The following ADGRL2 variants were observed in gnomAD, a reference collection of about 807,000 sequenced individuals.
ADGRL2 encodes adhesion G protein-coupled receptor L2.
In ADGRL2, 44 loss-of-function variants were observed where a neutral mutation model predicts 157.4. That is an observed-to-expected ratio of 0.28 (90% CI 0.22 to 0.36). The LOEUF is 0.36. Among genes scored for constraint, ADGRL2 ranks in the 10% least tolerant of loss-of-function variants. ADGRL2 has a pLI of 1.00. For synonymous variants in ADGRL2, 585 were observed against 624.7 expected (o/e 0.94, Z 0.95); for missense variants, 1,510 against 1,768.9 (o/e 0.85, Z 2.63).
intron 2 of ADGRL2, among the ~76,000 whole-genome samples, chr1:81,904,135 A>T (rs2094542755): frequency 6.6e-6 from 1 of 152,152 alleles, no homozygotes; most frequent in South Asian, 2.1e-4. Context: ...CACATTTATA[A>T]GAATTATGTA....
intron 2 of ADGRL2, among the ~76,000 whole-genome samples, chr1:81,840,612 G>A (rs1386020662): frequency 1.3e-5 from 2 of 151,898 alleles, no homozygotes; most frequent in Non-Finnish European, 2.9e-5. Flanking sequence ...TCTCTATTTT[G>A]AATCAAGTCT....
intron 2 of ADGRL2, among the ~76,000 whole-genome samples, chr1:81,888,161 G>C (rs1433810395): frequency 6.6e-6 from 1 of 152,132 alleles, no homozygotes; most frequent in Admixed American, 6.5e-5. Context: ...AAGGTATGGA[G>C]ACAATAAGTT....
At chr1:81,736,142 C>CAAAAA (rs71085371) in intron 1 of ADGRL2, among the ~76,000 whole-genome samples, 1 of 92,590 alleles carries the variant, frequency 1.1e-5, no homozygotes, top group African/African-American at 3.8e-5. Flanking sequence ...GACCCCGTCT[C>CAAAAA]AAAAAAAAAA....
intron 3 of ADGRL2, among the ~76,000 whole-genome samples, chr1:81,642,921 G>T (rs909908714): frequency 9.9e-5 from 15 of 152,042 alleles, no homozygotes; most frequent in Non-Finnish European, 4.4e-5. Flanking sequence ...ATATAGATAG[G>T]AACTTCTTTA....
intron 1 of ADGRL2, among the ~76,000 whole-genome samples, chr1:81,330,317 C>T (rs896583415): frequency 3.3e-5 from 5 of 152,060 alleles, no homozygotes; most frequent in African/African-American, 1.2e-4. Context: ...CTGAATGAAA[C>T]ACATGTGATA....
At chr1:81,351,205 TG>T (rs1476826688) in intron 1 of ADGRL2, among the ~76,000 whole-genome samples, 1 of 151,968 alleles carries the variant, frequency 6.6e-6, no homozygotes, top group East Asian at 1.9e-4. Flanking sequence ...TCAGTCCAGA[TG>T]TTTTTTATTT....
At chr1:81,528,901 A>C (rs1271241492) in intron 2 of ADGRL2, among the ~76,000 whole-genome samples, 1 of 152,204 alleles carries the variant, frequency 6.6e-6, no homozygotes, top group East Asian at 1.9e-4. Flanking sequence ...AAAGGATACT[A>C]TAAGTGAGGA....
intron 4 of ADGRL2, among the ~76,000 whole-genome samples, chr1:81,941,773 C>G (rs17470483): frequency 0.084 from 12,809 of 151,740 alleles, 731 homozygotes; most frequent in Middle Eastern, 0.18. Context: ...CTAAGTGAAG[C>G]AACATGCCAA....
intron 3 of ADGRL2, among the ~76,000 whole-genome samples, chr1:81,665,221 G>A (rs1329520300): frequency 1.3e-5 from 2 of 152,080 alleles, no homozygotes; most frequent in Non-Finnish European, 2.9e-5. Context: ...TGTTTATGAA[G>A]ACCATTTGAG....
At chr1:81,881,897 G>C (rs2093997731) in intron 2 of ADGRL2, among the ~76,000 whole-genome samples, 1 of 152,130 alleles carries the variant, frequency 6.6e-6, no homozygotes, top group Non-Finnish European at 1.5e-5. Context: ...GTGAATACTA[G>C]ATTGATTTGT....
At chr1:81,734,916 C>T (rs1571004288) in intron 1 of ADGRL2, among the ~76,000 whole-genome samples, 1 of 143,674 alleles carries the variant, frequency 7.0e-6, no homozygotes, top group East Asian at 2.1e-4. Context: ...GCCTGTAATC[C>T]CAGCTACTCG....
At chr1:81,476,882 T>A (rs59405535) in intron 2 of ADGRL2, among the ~76,000 whole-genome samples, 5,303 of 152,246 alleles carry the variant, frequency 0.035, 299 homozygotes, top group African/African-American at 0.12. Context: ...AGAAATTTTA[T>A]CAACATCCAT....
At position 81,500,974 on chromosome 1, in the gene ADGRL2, A is replaced by C. The variant is rs138507421; in HGVS notation, c.-248+55885A>C. Among the ~76,000 whole-genome samples the C allele has an allele frequency of 9.7e-3, 1,474 of 152,330 alleles. 13 individuals are homozygous for C. The highest frequency in any genetic ancestry group is 0.016 in the Non-Finnish European group (1,090 of 68,024). Reference sequence around the variant, plus strand: ...ATATAAATGTAGAAACTTCAATTCGAGTCAGATCTCCAAATTGTGGGTCTC... The same window carrying C: ...ATATAAATGTAGAAACTTCAATTCGCGTCAGATCTCCAAATTGTGGGTCTC... On this transcript the variant is annotated intron_variant, in intron 2 of 24. Transcript: ENST00000370721.
chr1:81,431,018 T>C (rs2077310200), intron 1 of ADGRL2, among the ~76,000 whole-genome samples: 1 of 152,228 alleles, frequency 6.6e-6, no homozygotes, highest in Non-Finnish European at 1.5e-5. Context: ...GTAAAATTTA[T>C]CCCTGATTCT....
At chr1:81,806,792 A>G (rs573204862) in intron 1 of ADGRL2, among the ~76,000 whole-genome samples, 2 of 152,150 alleles carry the variant, frequency 1.3e-5, no homozygotes, top group Non-Finnish European at 2.9e-5. Flanking sequence ...ATTTAAGAAC[A>G]TAGATTAAGG....
At chr1:81,592,386 G>C (rs901464047) in intron 3 of ADGRL2, among the ~76,000 whole-genome samples, 6 of 152,200 alleles carry the variant, frequency 3.9e-5, no homozygotes, top group Admixed American at 2.6e-4. Flanking sequence ...AGTGAGTTGG[G>C]TTTGGCCTAC....
At chr1:81,505,790 A>G (rs938379129) in intron 2 of ADGRL2, among the ~76,000 whole-genome samples, 1 of 152,068 alleles carries the variant, frequency 6.6e-6, no homozygotes, top group Non-Finnish European at 1.5e-5. Flanking sequence ...AGAACTGAGA[A>G]AAATCTGAGT....
At chr1:81,528,868 T>C (rs541547381) in intron 2 of ADGRL2, among the ~76,000 whole-genome samples, 11 of 152,048 alleles carry the variant, frequency 7.2e-5, no homozygotes, top group Non-Finnish European at 1.6e-4. Flanking sequence ...ATGGGCAGGA[T>C]TTGTATTAAT....
At chr1:81,731,645 T>C (rs1357517111) in intron 1 of ADGRL2, among the ~76,000 whole-genome samples, 2 of 152,212 alleles carry the variant, frequency 1.3e-5, no homozygotes, top group Non-Finnish European at 2.9e-5. Context: ...TCTCTACGTC[T>C]TGATAATGCT....
Sources: allele counts gnomAD v4.1 joint callset (sites outside exome capture counted in the v4.1 genomes callset), GRCh38; gene constraint gnomAD v4.1.1; transcripts MANE v1.5; gene names NCBI Gene and HGNC (gene_info 2026-07-23, HGNC 2026-07-21).